Variants in CDH10 observed in about 807,000 individuals in gnomAD.
The protein encoded by CDH10 is cadherin-10.
In CDH10, 30 loss-of-function variants were observed where a neutral mutation model predicts 73.1. The observed-to-expected ratio is 0.41, with a 90% CI of 0.31 to 0.56. The LOEUF is 0.56. Ranked by LOEUF, CDH10 falls within the 20% of genes least tolerant of loss-of-function variation. CDH10 has a pLI of 0.27. For synonymous variants in CDH10, 345 were observed against 348.2 expected, an observed-to-expected ratio of 0.99 and a Z score of 0.10; for missense variants, 815 against 973.7, an observed-to-expected ratio of 0.84 and a Z score of 2.17.
chr5:24,575,815 C>G (rs891980521), intron 2 of CDH10, among the ~76,000 whole-genome samples: 39 of 151,956 alleles, frequency 2.6e-4, no homozygotes, highest in Non-Finnish European at 8.8e-5. Context: ...GTTTAGATAT[C>G]TTAATGTTTA....
At chr5:24,527,075 A>G (rs1046746143) in intron 5 of CDH10, among the ~76,000 whole-genome samples, 60 of 115,528 alleles carry the variant, frequency 5.2e-4, no homozygotes, top group African/African-American at 1.7e-3. Flanking sequence ...CCTTATGTCT[A>G]AAATATTTAA....
chr5:24,488,740 A>T (rs923772942), intron 11 of CDH10, among the ~76,000 whole-genome samples: 1 of 151,922 alleles, frequency 6.6e-6, no homozygotes, highest in African/African-American at 2.4e-5. Flanking sequence ...TTAGAGTTAG[A>T]TGAATTTAGA....
chr5:24,613,433 T>G (rs969290358), intron 1 of CDH10, among the ~76,000 whole-genome samples: 1 of 152,016 alleles, frequency 6.6e-6, no homozygotes, highest in Non-Finnish European at 1.5e-5. Context: ...GTTCTCTTTC[T>G]TTCCTGTGTA....
Position 24,535,038 on chromosome 5 carries a change from C to A in CDH10, c.814+74G>T, listed in dbSNP as rs1453417258. ...ATGAATGACAATTGCTTTTTCTTTT[C>A]TTTTTCTTTCTTTGTCTGTCTTTTT... On this transcript the variant is annotated intron_variant, in intron 5 of 11. Coordinates refer to ENST00000264463, the MANE Select transcript of CDH10 (RefSeq NM_006727.5). 26 of 1,334,412 alleles carry A rather than the reference C, an allele frequency of 1.9e-5. No homozygotes were observed. The East Asian group carries it at 5.8e-4, about 30-fold the overall frequency. 82.7% of individuals were successfully genotyped at this position (1,334,412 alleles called of 1,614,324 possible). A position where few individuals can be genotyped will look rare whatever the true frequency, so the allele number is the denominator to read the frequency against.
chr5:24,597,919 A>T (rs1746427290), intron 1 of CDH10, among the ~76,000 whole-genome samples: 1 of 151,828 alleles, frequency 6.6e-6, no homozygotes, highest in African/African-American at 2.4e-5. Context: ...GTTGATTAGG[A>T]TCCTAATGTA....
At chr5:24,582,897 T>G (rs773645602) in intron 2 of CDH10, among the ~76,000 whole-genome samples, 1 of 152,194 alleles carries the variant, frequency 6.6e-6, no homozygotes, top group Non-Finnish European at 1.5e-5. Context: ...ACTTTCCTAG[T>G]CATTGGTTTA....
chr5:24,564,901 A>T (rs963698276), intron 2 of CDH10, among the ~76,000 whole-genome samples: 1 of 152,064 alleles, frequency 6.6e-6, no homozygotes. Context: ...TGCCCTGCTC[A>T]TTCTGCTCTC....
chr5:24,611,799 G>A (rs1430056227), intron 1 of CDH10: 3 of 152,074 alleles, frequency 2.0e-5, no homozygotes, highest in Non-Finnish European at 2.9e-5. Flanking sequence ...CTTGCTAGGA[G>A]ACTCTCTATT....
At chr5:24,528,455 C>T (rs1743612193) in intron 5 of CDH10, among the ~76,000 whole-genome samples, 1 of 151,870 alleles carries the variant, frequency 6.6e-6, no homozygotes, top group Non-Finnish European at 1.5e-5. Flanking sequence ...TCAAATCTCT[C>T]TTGTACCAGG....
chr5:24,535,370 AT>A, intron 4 of CDH10, 91 bp from the exon 5 acceptor site: 5 of 1,222,952 alleles, frequency 4.1e-6, no homozygotes, highest in South Asian at 2.7e-5. Flanking sequence ...TAAGCTAGTG[AT>A]TTTTTTGAAA....
chr5:24,617,856 G>A (rs931069862), intron 1 of CDH10, among the ~76,000 whole-genome samples: 2 of 152,060 alleles, frequency 1.3e-5, no homozygotes, highest in Non-Finnish European at 1.5e-5. Flanking sequence ...CAATATAACC[G>A]TAAACCCAAT....
At chr5:24,496,770 G>C (rs993296090) in intron 9 of CDH10, among the ~76,000 whole-genome samples, 2 of 152,086 alleles carry the variant, frequency 1.3e-5, no homozygotes, top group Non-Finnish European at 2.9e-5. Flanking sequence ...ATTTTAAAAA[G>C]GCTCTGAACA....
rs2111611169 is a variant in CDH10, at chr5:24,488,060, T to C, written c.1970A>G (p.Tyr657Cys). ...CTCCTCTCCACCACCCTCATCGTTA[T>C]AGCTCACAATGTTGTCTCTGATATC... Reference protein sequence around the residue: ...KEDIRDNIVSYNDEGGGEEDT... With the variant: ...KEDIRDNIVSCNDEGGGEEDT... Residue 657 changes from tyrosine to cysteine, a missense_variant, in exon 12 of 12, where the codon TAT becomes TGT. Around this residue, in one of 3 missense-constraint regions of CDH10, gnomAD observed 241 missense variants for 240.3 expected, o/e 1.00. Coordinates refer to ENST00000264463, the MANE Select transcript of CDH10 (RefSeq NM_006727.5). 1.2e-6 allele frequency: 2 copies of C among 1,614,046 alleles called. No homozygotes were observed. The highest frequency in any genetic ancestry group is 1.7e-6 in the Non-Finnish European group (2 of 1,179,950).
chr5:24,575,806 T>C (rs769081703), intron 2 of CDH10, among the ~76,000 whole-genome samples: 47 of 152,264 alleles, frequency 3.1e-4, no homozygotes, highest in Non-Finnish European at 5.6e-4. Context: ...TTATAGTGTG[T>C]TTAGATATCT....
At chr5:24,603,777 C>T (rs1427099751) in intron 1 of CDH10, among the ~76,000 whole-genome samples, 1 of 152,006 alleles carries the variant, frequency 6.6e-6, no homozygotes, top group Non-Finnish European at 1.5e-5. Context: ...GATAAGATAC[C>T]TACTTTTACC....
intron 2 of CDH10, among the ~76,000 whole-genome samples, chr5:24,588,985 T>C (rs1462387887): frequency 1.3e-5 from 2 of 152,194 alleles, no homozygotes; most frequent in Non-Finnish European, 2.9e-5. Context: ...GGAATATTTG[T>C]TGACTATTGT....
At chr5:24,617,542 T>A (rs889207429) in intron 1 of CDH10, among the ~76,000 whole-genome samples, 4 of 152,164 alleles carry the variant, frequency 2.6e-5, no homozygotes, top group Non-Finnish European at 4.4e-5. Context: ...CCAATATAAA[T>A]TCTAAATGAC....
At chr5:24,630,638 G>A (rs1747672682) in intron 1 of CDH10, among the ~76,000 whole-genome samples, 1 of 149,814 alleles carries the variant, frequency 6.7e-6, no homozygotes. Context: ...GCCAGAACCC[G>A]AGGGCAGACT....
At chr5:24,492,389 T>G (rs2111646194) in intron 10 of CDH10, among the ~76,000 whole-genome samples, 1 of 152,324 alleles carries the variant, frequency 6.6e-6, no homozygotes, top group Non-Finnish European at 1.5e-5. Flanking sequence ...AATGCCTTCG[T>G]ACTGAATCAC....
Sources: gnomAD v4.1 joint callset for allele counts (sites outside exome capture counted in the v4.1 genomes callset) on GRCh38, gnomAD v4.1.1 for gene constraint, gnomAD v4.1.1 regional missense constraint, MANE v1.5 for transcripts, NCBI Gene and HGNC (gene_info 2026-07-23, HGNC 2026-07-21) for gene names.